The following EHD4 variants were observed in gnomAD, a reference collection of about 807,000 sequenced individuals.
EHD4 encodes EH domain containing 4.
A neutral mutation model predicts 51.0 loss-of-function variants in EHD4; 37 were observed. The ratio of observed to expected loss-of-function variants is 0.73; its 90% confidence interval spans 0.56 to 0.95. The LOEUF (loss-of-function observed/expected upper bound fraction) is 0.95, where lower values mean the gene tolerates loss of function less well. Ranked by LOEUF, EHD4 falls within the 40% of genes least tolerant of loss-of-function variation. EHD4 has a pLI of 0.00. For synonymous variants in EHD4, 297 were observed against 317.3 expected (o/e 0.94, Z 0.68); for missense variants, 632 against 733.1 (o/e 0.86, Z 1.59).
intron 5 of EHD4, among the ~76,000 whole-genome samples, chr15:41,905,081 G>A (rs567705815): frequency 3.3e-5 from 5 of 152,210 alleles, no homozygotes; most frequent in Non-Finnish European, 5.9e-5. Flanking sequence ...ACTTCTAAGC[G>A]TATGTCCCCC....
At chr15:41,916,857 T>C (rs1231332911) in intron 4 of EHD4, among the ~76,000 whole-genome samples, 1 of 152,238 alleles carries the variant, frequency 6.6e-6, no homozygotes, top group East Asian at 1.9e-4. Context: ...CCAGATACTA[T>C]TCTTAGGAAG....
chr15:41,959,010 C>A (rs1470114975), intron 1 of EHD4, among the ~76,000 whole-genome samples: 1 of 152,156 alleles, frequency 6.6e-6, no homozygotes. Context: ...AACAAATACA[C>A]AAATGTAAGA....
Position 41,900,617 on chromosome 15 carries a change from G to A in EHD4, c.*28C>T. 3.9e-6 allele frequency: 6 copies of A among 1,543,490 alleles called. No homozygotes were observed. Among genetic ancestry groups the A allele is most frequent in the Middle Eastern group, 3.4e-4 (2 of 5,826 alleles). On this transcript the variant is annotated 3_prime_UTR_variant, in exon 6 of 6. Coordinates refer to ENST00000220325, the MANE Select transcript of EHD4 (RefSeq NM_139265.4). This position sits in a 1 kb window ranked among gnomAD's most constrained non-coding sequence, Gnocchi z 4.8. ...GCAGGCCTGAGGCCCAGGTCCCCCA[G>A]TTCCCACCCCGTTCTGCAGCCCACC...
At chr15:41,909,958 A>C in intron 4 of EHD4, 95 bp from the exon 5 acceptor site, 2 of 1,461,412 alleles carry the variant, frequency 1.4e-6, no homozygotes, top group Non-Finnish European at 1.9e-6. Context: ...ATAACACATA[A>C]CAGGTACCCA....
At position 41,909,872 on chromosome 15, in the gene EHD4, G is replaced by C. The variant is rs1415011381; in HGVS notation, c.925-9C>G. On this transcript the variant is annotated splice_polypyrimidine_tract_variant and intron_variant, in intron 4 of 5. Transcript: ENST00000220325. Reference sequence around the variant, plus strand: ...ATGATGTAGGCATGCACCTGGAGGGGTATAGATCAGGCAGGGAAGTGTCAT... The same window carrying C: ...ATGATGTAGGCATGCACCTGGAGGGCTATAGATCAGGCAGGGAAGTGTCAT... The C allele has an allele frequency of 1.2e-6, 2 of 1,614,090 alleles. No homozygotes were observed. The highest frequency in any genetic ancestry group is 1.7e-6 in the Non-Finnish European group (2 of 1,179,968).
chr15:41,972,149 C>A (rs973635772), intron 1 of EHD4, 110 bp downstream of exon 1: 5 of 1,156,258 alleles, frequency 4.3e-6, no homozygotes, highest in Non-Finnish European at 4.4e-6. Flanking sequence ...CGGGAGGGGT[C>A]CCCGAGGTCG....
At chr15:41,929,462 G>A (rs940186906) in intron 3 of EHD4, among the ~76,000 whole-genome samples, 1 of 152,226 alleles carries the variant, frequency 6.6e-6, no homozygotes, top group Non-Finnish European at 1.5e-5. Flanking sequence ...ACTGAACGCT[G>A]CTGCTTCTGG....
At chr15:41,914,548 A>AG in intron 4 of EHD4, among the ~76,000 whole-genome samples, 1 of 152,196 alleles carries the variant, frequency 6.6e-6, no homozygotes, top group African/African-American at 2.4e-5. Flanking sequence ...AGGGGACCGG[A>AG]GGGGGCTGCA....
rs114479429 is a variant in EHD4, at chr15:41,933,297, T to C, written c.511+9770A>G. Among the ~76,000 whole-genome samples the C allele has an allele frequency of 7.5e-3, 1,143 of 152,308 alleles. 19 individuals carry two copies. The highest frequency in any genetic ancestry group is 0.026 in the African/African-American group (1,085 of 41,570). On this transcript the variant is annotated intron_variant, in intron 3 of 5. Transcript: ENST00000220325. ...ATGAAACCTGAATTCAAGCCACACG[T>C]GTATCCTGGGGAGGACCTTTTGCTG...
At chr15:41,927,069 G>C (rs899387533) in intron 3 of EHD4, among the ~76,000 whole-genome samples, 9 of 152,236 alleles carry the variant, frequency 5.9e-5, no homozygotes, top group African/African-American at 1.9e-4. Context: ...CCCGGGGATA[G>C]AGTCTTATAG....
At chr15:41,930,101 A>T (rs769839834) in intron 3 of EHD4, among the ~76,000 whole-genome samples, 18 of 152,218 alleles carry the variant, frequency 1.2e-4, no homozygotes, top group Non-Finnish European at 2.2e-4. Flanking sequence ...ACTTATTGTC[A>T]TCCAATTCCA....
intron 3 of EHD4, among the ~76,000 whole-genome samples, chr15:41,940,938 A>G (rs187779759): frequency 1.2e-4 from 18 of 152,306 alleles, no homozygotes; most frequent in Admixed American, 1.1e-3. Flanking sequence ...TAAAATTTAG[A>G]GGTAAAAAGA....
At chr15:41,963,514 C>T (rs929680950) in intron 1 of EHD4, among the ~76,000 whole-genome samples, 5 of 150,596 alleles carry the variant, frequency 3.3e-5, no homozygotes, top group East Asian at 1.9e-4. Flanking sequence ...GCACAAGAAC[C>T]GCTTGAACTG....
At chr15:41,933,360 G>A (rs933659383) in intron 3 of EHD4, among the ~76,000 whole-genome samples, 6 of 152,192 alleles carry the variant, frequency 3.9e-5, no homozygotes, top group East Asian at 1.9e-4. Context: ...TAACAGGAAC[G>A]GCTGATATCT....
intron 4 of EHD4, among the ~76,000 whole-genome samples, chr15:41,914,564 G>C (rs774157212): frequency 6.6e-5 from 10 of 152,126 alleles, no homozygotes; most frequent in Non-Finnish European, 1.5e-4. Context: ...CTGCACACTT[G>C]TCTGAGGTCA....
At chr15:41,943,662 C>T (rs1330153327) in intron 2 of EHD4, among the ~76,000 whole-genome samples, 2 of 152,252 alleles carry the variant, frequency 1.3e-5, no homozygotes, top group Non-Finnish European at 2.9e-5. Flanking sequence ...CTGGCCCCTG[C>T]CCAAGCATCC....
intron 3 of EHD4, among the ~76,000 whole-genome samples, chr15:41,920,943 GAGA>G (rs1180267615): frequency 3.3e-5 from 5 of 152,214 alleles, no homozygotes; most frequent in Non-Finnish European, 7.3e-5. Flanking sequence ...TGTGGGGGTG[GAGA>G]AGGTGTGAAT....
intron 4 of EHD4, among the ~76,000 whole-genome samples, chr15:41,911,682 C>T (rs2067550492): frequency 6.6e-6 from 1 of 152,188 alleles, no homozygotes; most frequent in African/African-American, 2.4e-5. Context: ...TGCTCAGGCT[C>T]ACCCCACCCT....
chr15:41,905,371 C>T (rs1183660569), intron 5 of EHD4, among the ~76,000 whole-genome samples: 1 of 152,120 alleles, frequency 6.6e-6, no homozygotes, highest in East Asian at 1.9e-4. Context: ...GTCTATAAGC[C>T]CTGTGGGAAT....
Sources: gnomAD v4.1 joint callset for allele counts (sites outside exome capture counted in the v4.1 genomes callset) on GRCh38, gnomAD v4.1.1 for gene constraint, Gnocchi (gnomAD v3.1) non-coding constraint, MANE v1.5 for transcripts, NCBI Gene and HGNC (gene_info 2026-07-23, HGNC 2026-07-21) for gene names.